The following KRR1 variants were observed in gnomAD, a reference collection of about 807,000 sequenced individuals.
KRR1 encodes KRR1 small subunit processome component homolog.
In KRR1, 23 loss-of-function variants were observed where a neutral mutation model predicts 50.0. That is an observed-to-expected ratio of 0.46 (90% confidence interval 0.33 to 0.65). The LOEUF (loss-of-function observed/expected upper bound fraction) is 0.65. Ranked by LOEUF, KRR1 falls within the 30% of genes least tolerant of loss-of-function variation. The pLI is 0.02. For synonymous variants in KRR1, 133 were observed against 146.3 expected, an observed-to-expected ratio of 0.91 and a Z score of 0.66; for missense variants, 419 against 442.4, an observed-to-expected ratio of 0.95 and a Z score of 0.47.
rs910832176 is a variant in KRR1 at position 75,498,689 on chromosome 12, T to C, written c.*1120A>G. Reference sequence around the variant, plus strand: ...TTTTTTTCTTTCTTCCCCCTAACTTTACAGTTAACCGACAGCGAGACCAAG... The same window carrying C: ...TTTTTTTCTTTCTTCCCCCTAACTTCACAGTTAACCGACAGCGAGACCAAG... On this transcript the variant is annotated 3_prime_UTR_variant, in exon 10 of 10. Transcript: ENST00000229214. 1 of 1,611,642 alleles carries C rather than the reference T, an allele frequency of 6.2e-7. No homozygotes were observed. The highest frequency in any genetic ancestry group is 1.3e-5 in the African/African-American group (1 of 74,860).
intron 6 of KRR1, among the ~76,000 whole-genome samples, 185 bp downstream of exon 6, chr12:75,505,013 A>G (rs1235898644): frequency 1.3e-5 from 2 of 152,120 alleles, no homozygotes; most frequent in East Asian, 3.9e-4. Flanking sequence ...GAGAGCTTCT[A>G]AGAAGTACCT....
chr12:75,510,558 A>T lies in KRR1; in HGVS notation c.85+955T>A, dbSNP rs535360487. On this transcript the variant is annotated intron_variant, in intron 1 of 9. Coordinates refer to ENST00000229214, the MANE Select transcript of KRR1 (RefSeq NM_007043.7). ...GGTCCACTTTCATGTATATAAAATT[A>T]AAAAACAGGCTAAATTAAGCCACTT... 1.6e-4 allele frequency among the ~76,000 whole-genome samples: 24 copies of T among 152,322 alleles called. No homozygotes were observed. In the South Asian group the frequency reaches 5.0e-3, roughly 32 times the overall value.
At position 75,492,502 on chromosome 12, in the gene KRR1, A is replaced by G. The variant is rs2046329185; in HGVS notation, c.*7307T>C. On this transcript the variant is annotated 3_prime_UTR_variant, in exon 10 of 10. Transcript: ENST00000229214. ...GGTTACAGGACCCATCACTTAGAGT[A>G]GCTATGAAAGTGACAAGAGAAGGCT... 1.3e-5 allele frequency: 2 copies of G among 152,266 alleles called. No individual in the cohort carries two copies. Among genetic ancestry groups the G allele is most frequent in the Non-Finnish European group, 2.9e-5 (2 of 68,054 alleles). 9.4% of individuals were successfully genotyped at this position (152,266 alleles called of 1,614,324 possible).
chr12:75,509,677 C>G (rs1342050146), intron 1 of KRR1, among the ~76,000 whole-genome samples: 2 of 151,550 alleles, frequency 1.3e-5, no homozygotes, highest in Non-Finnish European at 2.9e-5. Flanking sequence ...CAGCCTGGAC[C>G]TCCTGGACTC....
In KRR1 at chr12:75,510,692, G is replaced by A. The variant is rs1194898539; in HGVS notation, c.85+821C>T. ...GTGCACGTAAGGGTTTGAGGGGTAT[G>A]GTAATGCTCTATTTTACTTAGTCTG... is the stretch of plus-strand genomic sequence containing the variant. On this transcript the variant is annotated intron_variant, in intron 1 of 9. Coordinates refer to ENST00000229214, the MANE Select transcript of KRR1 (RefSeq NM_007043.7). Among the ~76,000 whole-genome samples, 6 of 152,158 alleles carry A rather than the reference G, an allele frequency of 3.9e-5. No homozygotes were observed. In the East Asian group the frequency reaches 9.6e-4, roughly 24 times the overall value.
At chr12:75,505,591 G>T (rs2046418374) in intron 5 of KRR1, among the ~76,000 whole-genome samples, 1 of 151,048 alleles carries the variant, frequency 6.6e-6, no homozygotes. Flanking sequence ...TTTCTCATTT[G>T]TAATATAAGA....
At position 75,492,783 on chromosome 12, in the gene KRR1, T is replaced by C. The variant is rs1452835131; in HGVS notation, c.*7026A>G. ...AAGGAGAACAGGGCAGTCTCTGTCT[T>C]TATGAGAGTAATATTTATGGGGCAA... On this transcript the variant is annotated 3_prime_UTR_variant, in exon 10 of 10. Transcript: ENST00000229214. 2 of 152,206 alleles carry C rather than the reference T, an allele frequency of 1.3e-5. No homozygotes were observed. Among genetic ancestry groups the C allele is most frequent in the African/African-American group, 4.8e-5 (2 of 41,444 alleles). 9.4% of individuals were successfully genotyped at this position (152,206 alleles called of 1,614,324 possible).
chr12:75,507,376 T>C (rs2046427047), intron 2 of KRR1, among the ~76,000 whole-genome samples: 1 of 152,180 alleles, frequency 6.6e-6, no homozygotes, highest in Non-Finnish European at 1.5e-5. Context: ...CAAATTATCA[T>C]AGTTTCAGAA....
At chr12:75,509,342 G>T (rs1219412727) in intron 1 of KRR1, among the ~76,000 whole-genome samples, 2 of 152,128 alleles carry the variant, frequency 1.3e-5, no homozygotes, top group Non-Finnish European at 2.9e-5. Context: ...TTCGACGAGG[G>T]ACAAGAATCT....
chr12:75,496,373 TA>T lies in KRR1; in HGVS notation c.*3435del, dbSNP rs1271731663. On this transcript the variant is annotated 3_prime_UTR_variant, in exon 10 of 10. Coordinates refer to ENST00000229214, the MANE Select transcript of KRR1 (RefSeq NM_007043.7). ...CTATCTCCAAAAAATGAAAATAAAA[TA>T]AAGCTGCAACATGGCACTTTTTATT... The T allele has an allele frequency of 1.3e-5, 2 of 151,888 alleles. No individual in the cohort carries two copies. Among genetic ancestry groups the T allele is most frequent in the Admixed American group, 1.3e-4 (2 of 15,242 alleles). The allele number at this position is 151,888 out of a possible 1,614,324, so 9.4% of individuals were successfully genotyped here.
rs761760083 is a variant in KRR1, at chr12:75,505,182, TATA to T, written c.660+13_660+15del. The T allele has an allele frequency of 1.8e-5, 28 of 1,538,324 alleles. 1 individual carries two copies. In the Admixed American group the frequency reaches 5.1e-4, roughly 28 times the overall value. The stretch of plus-strand genomic sequence containing the variant: ...TATGATAATCACTGGTACAGTTATA[TATA>T]ATTACCACTCACTTTAATGTTATAA... On this transcript the variant is annotated intron_variant, in intron 6 of 9. Transcript: ENST00000229214.
rs2046332182 is a variant in KRR1 at position 75,493,072 on chromosome 12, G to C, written c.*6737C>G. 6.6e-6 allele frequency: 1 copy of C among 152,150 alleles called. No homozygotes were observed. Among genetic ancestry groups the C allele is most frequent in the African/African-American group, 2.4e-5 (1 of 41,434 alleles). The allele number at this position is 152,150 out of a possible 1,614,324, so 9.4% of individuals were successfully genotyped here. On this transcript the variant is annotated 3_prime_UTR_variant, in exon 10 of 10. Transcript: ENST00000229214. ...TGGCAAGTTTAAACCACAGAGACTG[G>C]TGCCCTCGGTCTGCTAAACAGATGA... is the stretch of plus-strand genomic sequence containing the variant.
At chr12:75,503,872 C>T (rs200185870) in intron 7 of KRR1, 32 bp downstream of exon 7, 77 of 1,549,100 alleles carry the variant, frequency 5.0e-5, no homozygotes, top group Non-Finnish European at 6.7e-5. Flanking sequence ...AATAGATTCT[C>T]CTTCATATGA....
At chr12:75,508,181 T>G (rs1488405893) in intron 2 of KRR1, 93 bp downstream of exon 2, 1 of 673,212 alleles carries the variant, frequency 1.5e-6, no homozygotes, top group East Asian at 3.4e-5. Context: ...TTAGCACCAT[T>G]AAAAAAAAAA....
Position 75,499,149 on chromosome 12 carries a change from C to CATCTT in KRR1, c.*655_*659dup, listed in dbSNP as rs2046372526. 2.2e-6 allele frequency: 1 copy of CATCTT among 462,082 alleles called. No individual in the cohort carries two copies. The highest frequency in any genetic ancestry group is 2.0e-5 in the African/African-American group (1 of 48,960). The allele number at this position is 462,082 out of a possible 1,614,324, so 28.6% of individuals were successfully genotyped here. A position where few individuals can be genotyped will look rare whatever the true frequency, so the allele number is the denominator to read the frequency against. ...ATTTCCTAACTCTATCAGATAAACT[C>CATCTT]ATCTTTAGTATAAATAAGCATTATT... On this transcript the variant is annotated 3_prime_UTR_variant, in exon 10 of 10. Transcript: ENST00000229214.
rs2046352277 is a variant in KRR1 at position 75,496,469 on chromosome 12, ACATC to A, written c.*3336_*3339del. 6.6e-6 allele frequency: 1 copy of A among 152,196 alleles called. No individual in the cohort carries two copies. Among genetic ancestry groups the A allele is most frequent in the Non-Finnish European group, 1.5e-5 (1 of 68,032 alleles). 9.4% of individuals were successfully genotyped at this position (152,196 alleles called of 1,614,324 possible). On this transcript the variant is annotated 3_prime_UTR_variant, in exon 10 of 10. Transcript: ENST00000229214. ...TAAATTTCCAAGGATGTTTTACTAAACATCCAAGCAAAATTCTGCTTTGTGATTT... is the reference window on the plus strand; with the variant it reads ...TAAATTTCCAAGGATGTTTTACTAAACAAGCAAAATTCTGCTTTGTGATTT...
chr12:75,491,154 G>A lies in KRR1; in HGVS notation c.*8655C>T, dbSNP rs2046321535. 6.8e-6 allele frequency: 1 copy of A among 146,940 alleles called. No homozygotes were observed. Among genetic ancestry groups the A allele is most frequent in the Non-Finnish European group, 1.5e-5 (1 of 65,620 alleles). 9.1% of individuals were successfully genotyped at this position (146,940 alleles called of 1,614,324 possible). ...AATTTTCCTTTTCAAAATTTTAAGTGATTTTAATCATAAAAATGATAGATT... is the reference window on the plus strand; with the variant it reads ...AATTTTCCTTTTCAAAATTTTAAGTAATTTTAATCATAAAAATGATAGATT... On this transcript the variant is annotated 3_prime_UTR_variant, in exon 10 of 10. Transcript: ENST00000229214.
intron 9 of KRR1, 100 bp from the exon 10 acceptor site, chr12:75,500,051 C>T (rs914343859): frequency 3.4e-5 from 29 of 860,554 alleles, no homozygotes; most frequent in Non-Finnish European, 5.0e-5. Flanking sequence ...AGGCAGTTAA[C>T]TTCAGAGTAT....
Position 75,492,115 on chromosome 12 carries a change from C to A in KRR1, c.*7694G>T, listed in dbSNP as rs1294013727. On this transcript the variant is annotated 3_prime_UTR_variant, in exon 10 of 10. Coordinates refer to ENST00000229214, the MANE Select transcript of KRR1 (RefSeq NM_007043.7). ...TTTTTTTTTTTTTTTGAGACAGGGT[C>A]TCTCACTCTGTCACCCAGGCTGGAG... 2.2e-5 allele frequency: 3 copies of A among 139,242 alleles called. No individual in the cohort carries two copies. The highest frequency in any genetic ancestry group is 8.0e-5 in the African/African-American group (3 of 37,496). 8.6% of individuals were successfully genotyped at this position (139,242 alleles called of 1,614,324 possible). A position where few individuals can be genotyped will look rare whatever the true frequency, so the allele number is the denominator to read the frequency against.
Sources: gnomAD v4.1 joint callset for allele counts (sites outside exome capture counted in the v4.1 genomes callset) on GRCh38, gnomAD v4.1.1 for gene constraint, MANE v1.5 for transcripts, NCBI Gene and HGNC (gene_info 2026-07-23, HGNC 2026-07-21) for gene names.